The following SEPTIN9 variants were observed in gnomAD, a reference collection of about 807,000 sequenced individuals.
The protein encoded by SEPTIN9 is septin-9.
A neutral mutation model predicts 56.6 loss-of-function variants in SEPTIN9; 13 were observed. The observed-to-expected ratio is 0.23, with a 90% CI of 0.15 to 0.37. The LOEUF (loss-of-function observed/expected upper bound fraction) is 0.37, where lower values mean the gene tolerates loss of function less well. SEPTIN9 is among the 10% of genes least tolerant of loss of function. The pLI is 1.00. For synonymous variants in SEPTIN9, 332 were observed against 334.1 expected (o/e 0.99, Z 0.07); for missense variants, 650 against 823.1 (o/e 0.79, Z 2.57).
At chr17:77,468,653 C>T (rs1011085920) in intron 3 of SEPTIN9, among the ~76,000 whole-genome samples, 4 of 152,158 alleles carry the variant, frequency 2.6e-5, no homozygotes, top group Non-Finnish European at 4.4e-5. Flanking sequence ...TCACACAGCA[C>T]GTCGGTGGTA....
chr17:77,382,911 C>G (rs1423746356), intron 2 of SEPTIN9, among the ~76,000 whole-genome samples: 1 of 152,122 alleles, frequency 6.6e-6, no homozygotes, highest in Non-Finnish European at 1.5e-5. Flanking sequence ...CAGACCCCTA[C>G]TCCTGGCCCG....
At chr17:77,316,701 C>T (rs2032720035) in intron 2 of SEPTIN9, among the ~76,000 whole-genome samples, 4 of 145,822 alleles carry the variant, frequency 2.7e-5, no homozygotes, top group African/African-American at 1.0e-4. Flanking sequence ...TTTTCTTCCT[C>T]TTCTTTTTTT....
chr17:77,370,013 C>T (rs182194107), intron 2 of SEPTIN9, among the ~76,000 whole-genome samples: 360 of 152,334 alleles, frequency 2.4e-3, no homozygotes, highest in African/African-American at 8.2e-3. Flanking sequence ...TCCCCCTTCC[C>T]TTGGGACAGT....
chr17:77,350,178 A>G (rs2034012152), intron 2 of SEPTIN9, among the ~76,000 whole-genome samples: 1 of 148,600 alleles, frequency 6.7e-6, no homozygotes, highest in Non-Finnish European at 1.5e-5. Flanking sequence ...GCCCAGCATC[A>G]GGTCCCAACC....
intron 2 of SEPTIN9, among the ~76,000 whole-genome samples, chr17:77,316,707 T>C (rs1375908344): frequency 3.6e-5 from 5 of 138,228 alleles, no homozygotes; most frequent in Admixed American, 7.1e-5. Context: ...TCCTCTTCTT[T>C]TTTTTTTTTT....
intron 2 of SEPTIN9, among the ~76,000 whole-genome samples, chr17:77,351,228 AACACACAC>A (rs10537405): frequency 0.041 from 5,992 of 144,716 alleles, 310 homozygotes; most frequent in African/African-American, 0.12. Flanking sequence ...GCGTGCACAC[AACACACAC>A]ACACACACAC....
rs1278199559 is a variant in SEPTIN9, at chr17:77,389,436, A to C, written c.77-12623A>C. On this transcript the variant is annotated intron_variant, in intron 2 of 11. Coordinates refer to ENST00000427177, the MANE Select transcript of SEPTIN9 (RefSeq NM_001113491.2). This position sits in a 1 kb window ranked among gnomAD's most constrained non-coding sequence, Gnocchi z 4.3. ...GGGGCCACCTAAAGGGCGTGGGTGG[A>C]TTAAAGCTGAGGAAAGCCTCATTTT... Among the ~76,000 whole-genome samples, 1 of 151,598 alleles carries C rather than the reference A, an allele frequency of 6.6e-6. No individual in the cohort carries two copies. Among genetic ancestry groups the C allele is most frequent in the Non-Finnish European group, 1.5e-5 (1 of 67,906 alleles).
intron 2 of SEPTIN9, among the ~76,000 whole-genome samples, chr17:77,384,478 G>A (rs1472696022): frequency 6.6e-6 from 1 of 151,820 alleles, no homozygotes; most frequent in East Asian, 1.9e-4. Context: ...AGCAGCCTCC[G>A]AATGGAGGCT....
intron 2 of SEPTIN9, among the ~76,000 whole-genome samples, chr17:77,315,628 G>A (rs2032671261): frequency 6.6e-6 from 1 of 152,212 alleles, no homozygotes; most frequent in African/African-American, 2.4e-5. Flanking sequence ...CCTGGCTGAC[G>A]CAAAGCAGGT....
rs1734095282 is a variant in SEPTIN9, at chr17:77,453,206, G to A, written c.722-28938G>A. 1.3e-5 allele frequency among the ~76,000 whole-genome samples: 2 copies of A among 152,168 alleles called. No homozygotes were observed. Among genetic ancestry groups the A allele is most frequent in the South Asian group, 4.1e-4 (2 of 4,832 alleles). On this transcript the variant is annotated intron_variant, in intron 3 of 11. Transcript: ENST00000427177. The surrounding 1 kb of genome is among the most constrained non-coding windows in gnomAD (Gnocchi z 4.4). Reference sequence around the variant, plus strand: ...GGTGGCGTGGGGCACTCTGGGATGAGAAGATGCGACTTCTGCCCTGAGAGC... The same window carrying A: ...GGTGGCGTGGGGCACTCTGGGATGAAAAGATGCGACTTCTGCCCTGAGAGC...
chr17:77,317,611 A>G lies in SEPTIN9; in HGVS notation c.76+10414A>G, dbSNP rs1426792501. Among the ~76,000 whole-genome samples, 2 of 152,132 alleles carry G rather than the reference A, an allele frequency of 1.3e-5. No individual in the cohort carries two copies. The highest frequency in any genetic ancestry group is 2.9e-5 in the Non-Finnish European group (2 of 68,038). ...GCAGGAAAATAAGCTCAGGGCTCCAACTGATTCTACATTATGGTGAGTTGT... is the reference window on the plus strand; with the variant it reads ...GCAGGAAAATAAGCTCAGGGCTCCAGCTGATTCTACATTATGGTGAGTTGT... On this transcript the variant is annotated intron_variant, in intron 2 of 11. Transcript: ENST00000427177. The surrounding 1 kb of genome is among the most constrained non-coding windows in gnomAD (Gnocchi z 4.2).
chr17:77,457,996 C>G (rs1039857572), intron 3 of SEPTIN9, among the ~76,000 whole-genome samples: 3 of 152,234 alleles, frequency 2.0e-5, no homozygotes, highest in Admixed American at 1.3e-4. Context: ...GCCTGTGCCC[C>G]CACAGGCTTC....
At chr17:77,374,418 G>C (rs762967857) in intron 2 of SEPTIN9, 7 of 152,352 alleles carry the variant, frequency 4.6e-5, no homozygotes, top group African/African-American at 1.7e-4. Context: ...TGCGTCCTGC[G>C]TCCGCGGGAG....
chr17:77,374,063 C>T (rs921498928), intron 2 of SEPTIN9: 1 of 154,008 alleles, frequency 6.5e-6, no homozygotes. Context: ...ACAGCCCTCC[C>T]CTCCCCCACG....
At chr17:77,380,258 C>CCCCCCCCCCCCCCCCGCAT (rs1309017700) in intron 2 of SEPTIN9, 4 of 75,062 alleles carry the variant, frequency 5.3e-5, no homozygotes, top group African/African-American at 2.9e-4. Context: ...CAGTGAGGCC[C>CCCCCCCCCCCCCCCCGCAT]GCCCCCCCCC....
intron 3 of SEPTIN9, among the ~76,000 whole-genome samples, chr17:77,480,647 T>C (rs1226367630): frequency 6.6e-6 from 1 of 152,156 alleles, no homozygotes; most frequent in Admixed American, 6.5e-5. Flanking sequence ...TCCCGTGCTG[T>C]GGCCCTGGCT....
At chr17:77,408,898 G>T (rs1320934210) in intron 3 of SEPTIN9, among the ~76,000 whole-genome samples, 1 of 152,166 alleles carries the variant, frequency 6.6e-6, no homozygotes, top group African/African-American at 2.4e-5. Flanking sequence ...AGGGTGTGCA[G>T]GTTCGTCCAG....
chr17:77,407,667 C>T (rs2036138660), intron 3 of SEPTIN9, among the ~76,000 whole-genome samples: 1 of 152,168 alleles, frequency 6.6e-6, no homozygotes, highest in Non-Finnish European at 1.5e-5. Flanking sequence ...TCCCTGCCTG[C>T]TCCTCCGCCC....
rs1028840988 is a variant in SEPTIN9, at chr17:77,326,970, C to T, written c.76+19773C>T. ...GCCTGGGGAGCACATGGAAGCTCTGCGTCCCTCCCCCATACCTTGCCCTAC... is the reference window on the plus strand; with the variant it reads ...GCCTGGGGAGCACATGGAAGCTCTGTGTCCCTCCCCCATACCTTGCCCTAC... On this transcript the variant is annotated intron_variant, in intron 2 of 11. Transcript: ENST00000427177. The surrounding 1 kb of genome is among the most constrained non-coding windows in gnomAD (Gnocchi z 5.1). Among the ~76,000 whole-genome samples, 8 of 152,046 alleles carry T rather than the reference C, an allele frequency of 5.3e-5. No homozygotes were observed. Among genetic ancestry groups the T allele is most frequent in the East Asian group, 1.9e-4 (1 of 5,198 alleles).
Sources: allele counts gnomAD v4.1 joint callset (sites outside exome capture counted in the v4.1 genomes callset), GRCh38; gene constraint gnomAD v4.1.1; non-coding constraint Gnocchi (gnomAD v3.1); transcripts MANE v1.5; gene names NCBI Gene and HGNC (gene_info 2026-07-23, HGNC 2026-07-21).